MAF: variants seen among roughly 807,000 people sequenced by gnomAD.
MAF encodes transcription factor Maf.
MAF carries 10 observed loss-of-function variants against 22.0 expected under a neutral mutation model. That is an observed-to-expected ratio of 0.45 (90% CI 0.28 to 0.77). The LOEUF (loss-of-function observed/expected upper bound fraction) is 0.77. Among genes scored for constraint, MAF ranks in the 30% least tolerant of loss-of-function variants. The probability of loss-of-function intolerance (pLI) is 0.12; values close to 1 mark genes in which losing one functional copy is unlikely to be tolerated. For missense variants in MAF, 544 were observed against 548.4 expected (o/e 0.99, Z 0.08); for synonymous variants, 337 against 255.8 (o/e 1.32, Z -3.03).
At chr16:79,437,823 C>T in the MAF span, among the ~76,000 whole-genome samples, 3 of 152,326 alleles carry the variant, frequency 2.0e-5, no homozygotes, top group East Asian at 1.9e-4. Context: ...ACAACAGAAA[C>T]TTCTGCCTTG....
the MAF span, among the ~76,000 whole-genome samples, chr16:79,333,922 C>T: frequency 3.3e-5 from 5 of 152,152 alleles, no homozygotes; most frequent in African/African-American, 4.8e-5. Context: ...GATGCCGGAT[C>T]GCAGCATCTC....
chr16:79,528,017 C>T, the MAF span, among the ~76,000 whole-genome samples: 2 of 152,096 alleles, frequency 1.3e-5, no homozygotes, highest in African/African-American at 4.8e-5. Context: ...TTGGTGCGCA[C>T]CTGTAATCCC....
At chr16:79,465,827 G>A in the MAF span, among the ~76,000 whole-genome samples, 1 of 152,096 alleles carries the variant, frequency 6.6e-6, no homozygotes, top group South Asian at 2.1e-4. Context: ...AAATGGGGTG[G>A]TACAGGAAAA....
chr16:79,356,470 G>C, the MAF span, among the ~76,000 whole-genome samples: 5 of 152,026 alleles, frequency 3.3e-5, no homozygotes, highest in African/African-American at 9.7e-5. Flanking sequence ...CATGCTTGAG[G>C]CTTTCTCCCT....
the MAF span, among the ~76,000 whole-genome samples, chr16:79,232,117 C>G: frequency 6.6e-6 from 1 of 152,020 alleles, no homozygotes; most frequent in Non-Finnish European, 1.5e-5. Flanking sequence ...GTTTTGTTCC[C>G]TCACCTGCTA....
chr16:79,295,481 T>C, the MAF span, among the ~76,000 whole-genome samples: 2 of 152,182 alleles, frequency 1.3e-5, no homozygotes, highest in Non-Finnish European at 2.9e-5. Flanking sequence ...GTTTGAACAG[T>C]TGGCACATTT....
At chr16:79,317,085 C>T in the MAF span, among the ~76,000 whole-genome samples, 1 of 152,184 alleles carries the variant, frequency 6.6e-6, no homozygotes, top group South Asian at 2.1e-4. Context: ...TTGTTTCTCT[C>T]CCTCCTTCCT....
the MAF span, among the ~76,000 whole-genome samples, chr16:79,329,251 C>G: frequency 6.6e-6 from 1 of 152,084 alleles, no homozygotes; most frequent in Non-Finnish European, 1.5e-5. Context: ...AAACCCAGTT[C>G]CTTATAAGAA....
chr16:79,292,236 G>C, the MAF span, among the ~76,000 whole-genome samples: 1 of 152,144 alleles, frequency 6.6e-6, no homozygotes, highest in Non-Finnish European at 1.5e-5. Context: ...AAGTTAGGGA[G>C]AAGACATACT....
the MAF span, among the ~76,000 whole-genome samples, chr16:79,397,396 T>C: frequency 7.9e-5 from 12 of 152,198 alleles, no homozygotes; most frequent in Non-Finnish European, 1.6e-4. Flanking sequence ...TCAAAATCAA[T>C]GGTGTAAATA....
chr16:79,585,647 C>T (rs1350984569), downstream of MAF, among the ~76,000 whole-genome samples: 2 of 152,124 alleles, frequency 1.3e-5, no homozygotes, highest in Non-Finnish European at 2.9e-5. Flanking sequence ...AAAATAAATG[C>T]ATGCTGATTC....
chr16:79,253,004 A>C, the MAF span, among the ~76,000 whole-genome samples: 1 of 152,230 alleles, frequency 6.6e-6, no homozygotes, highest in South Asian at 2.1e-4. Context: ...ATTCACGCTT[A>C]AATAAAATCC....
chr16:79,329,078 A>AT, the MAF span, among the ~76,000 whole-genome samples: 178 of 147,232 alleles, frequency 1.2e-3, 1 homozygote, highest in South Asian at 0.014. Context: ...TCCTTCTGTG[A>AT]TTTTTTTTTT....
chr16:79,211,852 A>C, the MAF span: 75 of 1,608,240 alleles, frequency 4.7e-5, 1 homozygote, highest in Non-Finnish European at 5.9e-5. Flanking sequence ...CCCCTCACGC[A>C]AGTGCCAGGG....
At chr16:79,350,501 C>T in the MAF span, among the ~76,000 whole-genome samples, 1 of 152,308 alleles carries the variant, frequency 6.6e-6, no homozygotes. Flanking sequence ...GCTGGACTAC[C>T]CTTTTCCAGC....
the MAF span, among the ~76,000 whole-genome samples, chr16:79,477,811 G>A: frequency 2.6e-5 from 4 of 152,012 alleles, no homozygotes; most frequent in East Asian, 3.9e-4. Context: ...CACAACCTCC[G>A]CCTCCTGGGC....
the MAF span, among the ~76,000 whole-genome samples, chr16:79,311,698 T>G: frequency 1.6e-3 from 238 of 152,206 alleles, no homozygotes; most frequent in African/African-American, 5.6e-3. Context: ...CAGACTCAAT[T>G]CCACAGCTTG....
At chr16:79,260,175 G>A in the MAF span, among the ~76,000 whole-genome samples, 1 of 152,148 alleles carries the variant, frequency 6.6e-6, no homozygotes, top group African/African-American at 2.4e-5. Context: ...TTTTGAGACA[G>A]GGTCTCACTC....
chr16:79,229,875 T>A, the MAF span, among the ~76,000 whole-genome samples: 1 of 152,100 alleles, frequency 6.6e-6, no homozygotes, highest in Non-Finnish European at 1.5e-5. Context: ...GCTCTGAGCT[T>A]GCTTGCGGCA....
Sources: gnomAD v4.1 joint callset for allele counts (sites outside exome capture counted in the v4.1 genomes callset) on GRCh38, gnomAD v4.1.1 for gene constraint, MANE v1.5 for transcripts, NCBI Gene and HGNC (gene_info 2026-07-23, HGNC 2026-07-21) for gene names.